PCDH10: variants seen among roughly 807,000 people sequenced by gnomAD.
PCDH10 encodes protocadherin-10.
In PCDH10, 15 loss-of-function variants were observed where a neutral mutation model predicts 74.4. The observed-to-expected ratio is 0.20, with a 90% CI of 0.13 to 0.31. The LOEUF (loss-of-function observed/expected upper bound fraction) is 0.31, where lower values mean the gene tolerates loss of function less well. Among genes scored for constraint, PCDH10 ranks in the 10% least tolerant of loss-of-function variants. The probability of loss-of-function intolerance (pLI) is 1.00; values close to 1 mark genes in which losing one functional copy is unlikely to be tolerated. For synonymous variants in PCDH10, 619 were observed against 589.8 expected, an observed-to-expected ratio of 1.05 and a Z score of -0.72; for missense variants, 1,260 against 1,390.2, an observed-to-expected ratio of 0.91 and a Z score of 1.49.
Position 133,192,702 on chromosome 4 carries a change from A to T in PCDH10, c.*2542A>T, listed in dbSNP as rs1194601856. ...GACAAATAGAATTGTTTAAGGATAA[A>T]ATGCTACATTATTAGGTCATTAATC... On this transcript the variant is annotated 3_prime_UTR_variant, in exon 5 of 5. Coordinates refer to ENST00000264360, the MANE Select transcript of PCDH10 (RefSeq NM_032961.3). 1.3e-5 allele frequency: 2 copies of T among 151,608 alleles called. No homozygotes were observed. Among genetic ancestry groups the T allele is most frequent in the African/African-American group, 4.8e-5 (2 of 41,394 alleles). The allele number at this position is 151,608 out of a possible 1,614,324, so 9.4% of individuals were successfully genotyped here.
At chr4:133,162,577 C>A (rs1231056832) in intron 3 of PCDH10, among the ~76,000 whole-genome samples, 1 of 152,080 alleles carries the variant, frequency 6.6e-6, no homozygotes, top group Admixed American at 6.6e-5. Flanking sequence ...TGTTAGGGAT[C>A]ATGGATTTTA....
chr4:133,152,388 A>T lies in PCDH10; in HGVS notation c.2248A>T (p.Thr750Ser). The change falls in exon 1 of 5, where the codon ACT (threonine) becomes TCT (serine). Residue 750 changes from threonine to serine, a missense_variant. Physicochemically the swap from Thr to Ser is moderately conservative, Grantham distance 58. This residue lies in a region of PCDH10 where 587 missense variants were observed against 616.9 expected (regional missense o/e 0.95). Coordinates refer to ENST00000264360, the MANE Select transcript of PCDH10 (RefSeq NM_032961.3). Reference sequence around the variant, plus strand: ...AAAAGAGAAGAAGCTCAACATCTATACTTGTCTGGCCAGCGATTGCTGCCT... The same window carrying T: ...AAAAGAGAAGAAGCTCAACATCTATTCTTGTCTGGCCAGCGATTGCTGCCT... ...CQKEKKLNIY[T>S]CLASDCCLCC... 1 of 1,614,064 alleles carries T rather than the reference A, an allele frequency of 6.2e-7. No homozygotes were observed. Among genetic ancestry groups the T allele is most frequent in the Non-Finnish European group, 8.5e-7 (1 of 1,180,014 alleles).
chr4:133,188,926 C>T (rs945987427), intron 4 of PCDH10, among the ~76,000 whole-genome samples: 4 of 151,850 alleles, frequency 2.6e-5, no homozygotes, highest in Admixed American at 1.3e-4. Context: ...CCACCCAACT[C>T]GGACTTCCAA....
chr4:133,161,776 C>A (rs1471140188), intron 3 of PCDH10, among the ~76,000 whole-genome samples: 2 of 151,772 alleles, frequency 1.3e-5, no homozygotes, highest in African/African-American at 2.4e-5. Flanking sequence ...GCCTACTAGG[C>A]ACTGTCATTC....
chr4:133,179,124 A>G (rs1157403467), intron 4 of PCDH10, among the ~76,000 whole-genome samples: 1 of 152,114 alleles, frequency 6.6e-6, no homozygotes, highest in African/African-American at 2.4e-5. Flanking sequence ...ATTTAAAGTA[A>G]TGGAATGCAA....
chr4:133,177,458 GT>G (rs1308982934), intron 4 of PCDH10, among the ~76,000 whole-genome samples: 1 of 151,974 alleles, frequency 6.6e-6, no homozygotes, highest in Non-Finnish European at 1.5e-5. Context: ...TAATTCTCAT[GT>G]TTTTTTGATT....
At chr4:133,154,878 A>C (rs1216377977) in intron 2 of PCDH10, 39 bp from the exon 3 acceptor site, 13 of 1,355,480 alleles carry the variant, frequency 9.6e-6, no homozygotes, top group Non-Finnish European at 1.4e-5. Context: ...GTGTTTCTTC[A>C]CCTTTTTTAT....
At chr4:133,165,783 T>A (rs72715787) in intron 4 of PCDH10, among the ~76,000 whole-genome samples, 21,686 of 151,698 alleles carry the variant, frequency 0.14, 1,860 homozygotes, top group Middle Eastern at 0.23. Flanking sequence ...GAAATGACGA[T>A]ATGCTTAAAA....
intron 2 of PCDH10, among the ~76,000 whole-genome samples, chr4:133,201,697 A>C (rs561831272): frequency 2.2e-4 from 33 of 152,086 alleles, no homozygotes; most frequent in Admixed American, 4.6e-4. Context: ...TCTCTACTAA[A>C]AATACAAAAT....
chr4:133,181,773 T>A (rs1430249357), intron 4 of PCDH10, among the ~76,000 whole-genome samples: 1 of 152,074 alleles, frequency 6.6e-6, no homozygotes, highest in Non-Finnish European at 1.5e-5. Context: ...AACTGAATTA[T>A]GTTAGGGAAA....
chr4:133,192,540 C>T lies in PCDH10; in HGVS notation c.*2380C>T, dbSNP rs1393168903. On this transcript the variant is annotated 3_prime_UTR_variant, in exon 5 of 5. Coordinates refer to ENST00000264360, the MANE Select transcript of PCDH10 (RefSeq NM_032961.3). ...AACCTTTTATATCATTGTATATAATCTCCTTTGAACCAACTTTTTTATTAT... is the reference window on the plus strand; with the variant it reads ...AACCTTTTATATCATTGTATATAATTTCCTTTGAACCAACTTTTTTATTAT... The T allele has an allele frequency of 6.6e-6, 1 of 151,466 alleles. No homozygotes were observed. Among genetic ancestry groups the T allele is most frequent in the Admixed American group, 6.6e-5 (1 of 15,164 alleles). The allele number at this position is 151,466 out of a possible 1,614,324, so 9.4% of individuals were successfully genotyped here.
At chr4:133,205,853 T>C (rs954231918) in intron 2 of PCDH10, among the ~76,000 whole-genome samples, 8 of 152,190 alleles carry the variant, frequency 5.3e-5, no homozygotes, top group African/African-American at 1.9e-4. Flanking sequence ...TTTAACTCTT[T>C]GCATATGCAA....
At chr4:133,156,095 G>A (rs1726858089) in intron 3 of PCDH10, among the ~76,000 whole-genome samples, 1 of 152,118 alleles carries the variant, frequency 6.6e-6, no homozygotes, top group African/African-American at 2.4e-5. Context: ...AGAGTGATAG[G>A]TTCTCATTTT....
chr4:133,151,707 G>C lies in PCDH10; in HGVS notation c.1567G>C (p.Gly523Arg). 6.2e-7 allele frequency: 1 copy of C among 1,613,300 alleles called. No homozygotes were observed. The highest frequency in any genetic ancestry group is 1.3e-5 in the African/African-American group (1 of 75,078). The change falls in exon 1 of 5, where the codon GGC becomes CGC. Residue 523 changes from glycine to arginine, a missense_variant. Around this residue, in one of 11 missense-constraint regions of PCDH10, gnomAD observed 587 missense variants for 616.9 expected, o/e 0.95. Coordinates refer to ENST00000264360, the MANE Select transcript of PCDH10 (RefSeq NM_032961.3). ...CTACGTTTCTATCAACTCTGAGAAC[G>C]GCTACTTGTACGCCCTGCGCTCCTT... ...FTYVSINSENGYLYALRSFDY... is the reference protein window; with the variant it reads ...FTYVSINSENRYLYALRSFDY...
intron 4 of PCDH10, among the ~76,000 whole-genome samples, chr4:133,175,511 G>A (rs1727280370): frequency 1.3e-5 from 2 of 151,994 alleles, no homozygotes; most frequent in Non-Finnish European, 2.9e-5. Flanking sequence ...CTCATTACAG[G>A]CTGATATATG....
At chr4:133,202,093 C>T (rs1727919326) in intron 2 of PCDH10, among the ~76,000 whole-genome samples, 1 of 152,088 alleles carries the variant, frequency 6.6e-6, no homozygotes, top group African/African-American at 2.4e-5. Flanking sequence ...GATTGCTATG[C>T]AGTGGAAGAA....
In PCDH10 at chr4:133,150,524, G is replaced by C. The variant is rs753634602; in HGVS notation, c.384G>C (p.Thr128=). Reference sequence around the variant, plus strand: ...CCTCTTTCCCGGAGCCAGACCTGACGGTGGAAATCTCTGAGAGCGCCACGC... The same window carrying C: ...CCTCTTTCCCGGAGCCAGACCTGACCGTGGAAATCTCTGAGAGCGCCACGC... ...NPPSFPEPDL[T]VEISESATPG... is the part of the protein sequence containing the mutation. The change falls in exon 1 of 5, where the codon ACG becomes ACC. Residue 128 remains threonine (T), a synonymous_variant. Coordinates refer to ENST00000264360, the MANE Select transcript of PCDH10 (RefSeq NM_032961.3). The C allele has an allele frequency of 6.2e-7, 1 of 1,613,628 alleles. No individual in the cohort carries two copies. Among genetic ancestry groups the C allele is most frequent in the South Asian group, 1.1e-5 (1 of 91,030 alleles).
intron 1 of PCDH10, chr4:133,153,360 A>G: frequency 1.6e-6 from 1 of 642,400 alleles, no homozygotes; most frequent in Non-Finnish European, 2.0e-6. Flanking sequence ...CAGCATTTAC[A>G]GACGCTCTTG....
intron 3 of PCDH10, among the ~76,000 whole-genome samples, 180 bp downstream of exon 3, chr4:133,155,203 A>G (rs1263057794): frequency 2.6e-5 from 4 of 152,236 alleles, no homozygotes; most frequent in East Asian, 1.9e-4. Flanking sequence ...TAAAAATGCA[A>G]TGTTCCTTTG....
Sources: gnomAD v4.1 joint callset for allele counts (sites outside exome capture counted in the v4.1 genomes callset) on GRCh38, gnomAD v4.1.1 for gene constraint, gnomAD v4.1.1 regional missense constraint, MANE v1.5 for transcripts, NCBI Gene and HGNC (gene_info 2026-07-23, HGNC 2026-07-21) for gene names.